UTP4: variants seen among roughly 807,000 people sequenced by gnomAD.
The protein encoded by UTP4 is U3 small nucleolar RNA-associated protein 4 homolog.
In UTP4, 45 loss-of-function variants were observed where a neutral mutation model predicts 82.4. That is an observed-to-expected ratio of 0.55 (90% CI 0.43 to 0.70). The LOEUF (loss-of-function observed/expected upper bound fraction) is 0.70, where lower values mean the gene tolerates loss of function less well. Ranked by LOEUF, UTP4 falls within the 30% of genes least tolerant of loss-of-function variation. The pLI is 0.00. For synonymous variants in UTP4, 348 were observed against 300.3 expected (o/e 1.16, Z -1.64); for missense variants, 819 against 858.3 (o/e 0.95, Z 0.57).
Position 69,162,974 on chromosome 16 carries a change from C to G in UTP4, c.1552-109C>G, listed in dbSNP as rs1963602223. On this transcript the variant is annotated intron_variant, in intron 13 of 16. Coordinates refer to ENST00000314423, the MANE Select transcript of UTP4 (RefSeq NM_032830.3). The stretch of plus-strand genomic sequence containing the variant: ...AAATTTTTGGAACTTCCCTAGAACC[C>G]TTTTGAATTATGAGGAGCAGTATTT... 2.8e-5 allele frequency: 25 copies of G among 885,638 alleles called. No individual in the cohort carries two copies. In the South Asian group the frequency reaches 3.0e-4, roughly 11 times the overall value. 54.9% of individuals were successfully genotyped at this position (885,638 alleles called of 1,614,324 possible). A position where few individuals can be genotyped will look rare whatever the true frequency, so the allele number is the denominator to read the frequency against.
chr16:69,143,243 G>A lies in UTP4; in HGVS notation c.592G>A (p.Val198Met), dbSNP rs764236162. 11 of 1,614,132 alleles carry A rather than the reference G, an allele frequency of 6.8e-6. No homozygotes were observed. The highest frequency in any genetic ancestry group is 4.0e-5 in the African/African-American group (3 of 74,942). Reference protein sequence around the residue: ...YMGVSKRKCIVWGVAFLSDGT... With the variant: ...YMGVSKRKCIMWGVAFLSDGT... The stretch of plus-strand genomic sequence containing the variant: ...GGGCGTGTCTAAGCGGAAGTGCATC[G>A]TGTGGGGTGTCGCCTTCTTGTCCGA... The change falls in exon 6 of 17, where the codon GTG (valine) becomes ATG (methionine). Residue 198 changes from valine (V) to methionine (M), a missense_variant. Physicochemically the swap from Val to Met is conservative, Grantham distance 21 (BLOSUM62 1). Transcript: ENST00000314423.
Position 69,136,934 on chromosome 16 carries a change from C to T in UTP4, c.351+47C>T, listed in dbSNP as rs764754490. ...ATTCAAACCAAAATTTCTCTCGTGC[C>T]TGCTCAGACTTTCTTCCCTGTGCTC... On this transcript the variant is annotated intron_variant, in intron 3 of 16. Coordinates refer to ENST00000314423, the MANE Select transcript of UTP4 (RefSeq NM_032830.3). 3.3e-6 allele frequency: 5 copies of T among 1,501,102 alleles called. No homozygotes were observed. The South Asian group carries it at 4.5e-5, about 14-fold the overall frequency. 93.0% of individuals were successfully genotyped at this position (1,501,102 alleles called of 1,614,324 possible). A position where few individuals can be genotyped will look rare whatever the true frequency, so the allele number is the denominator to read the frequency against.
chr16:69,167,931 T>G (rs917865689), intron 16 of UTP4: 10 of 152,074 alleles, frequency 6.6e-5, no homozygotes, highest in Non-Finnish European at 1.5e-4. Flanking sequence ...GGAGGATAGC[T>G]TGTGCTCAGG....
In UTP4 at chr16:69,157,257, T is replaced by C; in HGVS notation, c.1444+17T>C. 1 of 1,613,560 alleles carries C rather than the reference T, an allele frequency of 6.2e-7. No homozygotes were observed. Among genetic ancestry groups the C allele is most frequent in the Non-Finnish European group, 8.5e-7 (1 of 1,179,788 alleles). On this transcript the variant is annotated intron_variant, in intron 12 of 16. Transcript: ENST00000314423. Reference sequence around the variant, plus strand: ...CTCAGTCAGGTGGGAATCTGGTAACTGGCCATGGGGAGACTTGTCGTGTCT... The same window carrying C: ...CTCAGTCAGGTGGGAATCTGGTAACCGGCCATGGGGAGACTTGTCGTGTCT...
intron 16 of UTP4, among the ~76,000 whole-genome samples, chr16:69,168,287 T>G (rs1363171100): frequency 6.6e-6 from 1 of 151,742 alleles, no homozygotes. Context: ...ATACAAAAAA[T>G]TAGCCGGGCG....
chr16:69,152,470 T>TC (rs1963299134), intron 8 of UTP4, among the ~76,000 whole-genome samples: 1 of 139,106 alleles, frequency 7.2e-6, no homozygotes, highest in East Asian at 2.0e-4. Context: ...TTTTCTTTTT[T>TC]TTTTTTTTTT....
At chr16:69,156,394 T>C (rs1963416205) in intron 11 of UTP4, among the ~76,000 whole-genome samples, 1 of 151,680 alleles carries the variant, frequency 6.6e-6, no homozygotes, top group Non-Finnish European at 1.5e-5. Context: ...TGACCTCAAG[T>C]GATTCACCCG....
intron 2 of UTP4, among the ~76,000 whole-genome samples, chr16:69,134,544 G>A (rs1171058315): frequency 2.0e-5 from 3 of 151,420 alleles, no homozygotes; most frequent in Admixed American, 2.0e-4. Flanking sequence ...GTGGGTTTAG[G>A]AAATGTGGAA....
At chr16:69,146,001 T>G (rs1469539055) in intron 6 of UTP4, among the ~76,000 whole-genome samples, 3 of 151,112 alleles carry the variant, frequency 2.0e-5, no homozygotes, top group Admixed American at 6.6e-5. Context: ...AGGGAACTGG[T>G]AAAATATTTC....
At chr16:69,150,980 C>A (rs943671943) in intron 8 of UTP4, 76 bp downstream of exon 8, 6 of 1,150,046 alleles carry the variant, frequency 5.2e-6, no homozygotes, top group African/African-American at 1.5e-5. Context: ...AAGCTCTGAA[C>A]ACAGCTCACG....
intron 5 of UTP4, among the ~76,000 whole-genome samples, chr16:69,140,629 G>A (rs549955723): frequency 2.0e-5 from 3 of 151,474 alleles, no homozygotes; most frequent in South Asian, 2.1e-4. Flanking sequence ...CAGGAGAATC[G>A]CCCCATTGCA....
In UTP4 at chr16:69,146,514, A is replaced by T. The variant is rs545873466; in HGVS notation, c.738+3125A>T. Among the ~76,000 whole-genome samples, 3 of 151,872 alleles carry T rather than the reference A, an allele frequency of 2.0e-5. No homozygotes were observed. The East Asian group carries it at 5.8e-4, about 29-fold the overall frequency. ...ATTTGTGTGTGTGTTCTGTTTATCC[A>T]TTCATCTATTAGTGGACGTTTGGGT... is the stretch of plus-strand genomic sequence containing the variant. On this transcript the variant is annotated intron_variant, in intron 6 of 16. Transcript: ENST00000314423.
Position 69,150,900 on chromosome 16 carries a change from C to G in UTP4, c.998C>G (p.Pro333Arg). Residue 333 changes from proline (P) to arginine (R), a missense_variant, in exon 8 of 17, where the codon CCC becomes CGC. By Grantham distance (103) the Pro-to-Arg change is moderately radical. Coordinates refer to ENST00000314423, the MANE Select transcript of UTP4 (RefSeq NM_032830.3). ...YDAALRKITF[P>R]HRCLISCSKK... ...GCCGCTCTCCGAAAAATCACCTTTC[C>G]CCACGTAAGTGTCCATTCCAAGCCC... The G allele has an allele frequency of 6.2e-7, 1 of 1,612,002 alleles. No homozygotes were observed. Among genetic ancestry groups the G allele is most frequent in the Non-Finnish European group, 8.5e-7 (1 of 1,178,636 alleles).
intron 2 of UTP4, among the ~76,000 whole-genome samples, chr16:69,134,676 C>T (rs1962761807): frequency 6.6e-6 from 1 of 150,706 alleles, no homozygotes; most frequent in African/African-American, 2.4e-5. Context: ...TTATTGCATC[C>T]TGTGATTTTC....
intron 12 of UTP4, 40 bp from the exon 13 acceptor site, chr16:69,160,316 A>G (rs372166934): frequency 2.0e-6 from 3 of 1,507,826 alleles, no homozygotes; most frequent in South Asian, 1.1e-5. Context: ...GGCTGTGGAC[A>G]CTGTGTGAAT....
intron 12 of UTP4, among the ~76,000 whole-genome samples, chr16:69,158,530 A>C (rs1023120749): frequency 2.6e-5 from 4 of 152,108 alleles, no homozygotes; most frequent in African/African-American, 9.7e-5. Context: ...CAGGAGAAGA[A>C]ACCCACAAGT....
In UTP4 at chr16:69,139,812, T is replaced by A; in HGVS notation, c.437-13T>A. On this transcript the variant is annotated splice_polypyrimidine_tract_variant and intron_variant, in intron 4 of 16. Transcript: ENST00000314423. ...TGTATGTCACTTTCTTTTTTTGTTG[T>A]CCAACTCCCAAGGTCGCATCCTGAG... is the stretch of plus-strand genomic sequence containing the variant. 6.2e-7 allele frequency: 1 copy of A among 1,601,400 alleles called. No homozygotes were observed.
chr16:69,136,717 C>T lies in UTP4; in HGVS notation c.181C>T (p.Arg61Trp), dbSNP rs374011053. Residue 61 changes from arginine (R) to tryptophan (W), a missense_variant, in exon 3 of 17, where the codon CGG becomes TGG. Transcript: ENST00000314423. ...QEKFFPGHES[R>W]ATEALCWAEG... ...GCAGTTTTTCCCAGGTCATGAGTCT[C>T]GGGCTACAGAAGCTTTGTGCTGGGC... 8 of 1,613,868 alleles carry T rather than the reference C, an allele frequency of 5.0e-6. No individual in the cohort carries two copies. The Admixed American group carries it at 6.7e-5, about 13-fold the overall frequency.
intron 5 of UTP4, 137 bp from the exon 6 acceptor site, chr16:69,143,041 A>G: frequency 2.4e-6 from 2 of 832,260 alleles, no homozygotes; most frequent in African/African-American, 1.7e-5. Flanking sequence ...GTTGTTTCGT[A>G]GAGATGAGGT....
Sources: gnomAD v4.1 joint callset for allele counts (sites outside exome capture counted in the v4.1 genomes callset) on GRCh38, gnomAD v4.1.1 for gene constraint, MANE v1.5 for transcripts, NCBI Gene and HGNC (gene_info 2026-07-23, HGNC 2026-07-21) for gene names.